Variants in KAZN observed in about 807,000 individuals in gnomAD.
The protein encoded by KAZN is kazrin.
In KAZN, 40 loss-of-function variants were observed where a neutral mutation model predicts 87.4. The ratio of observed to expected loss-of-function variants is 0.46; its 90% CI spans 0.36 to 0.60. The LOEUF is 0.60. KAZN is among the 20% of genes least tolerant of loss of function. The probability of loss-of-function intolerance (pLI) is 0.00; values close to 1 mark genes in which losing one functional copy is unlikely to be tolerated. For missense variants in KAZN, 898 were observed against 1,073.9 expected (o/e 0.84, Z 2.29); for synonymous variants, 466 against 458.3 (o/e 1.02, Z -0.22).
At chr1:14,289,414 G>T (rs529800576) in intron 2 of KAZN, among the ~76,000 whole-genome samples, 4 of 152,184 alleles carry the variant, frequency 2.6e-5, no homozygotes, top group Non-Finnish European at 4.4e-5. Context: ...CTTGTTGAAT[G>T]GATCCCTTTA....
chr1:14,807,993 G>A (rs964440014), intron 1 of KAZN, among the ~76,000 whole-genome samples: 1 of 152,146 alleles, frequency 6.6e-6, no homozygotes, highest in Non-Finnish European at 1.5e-5. Flanking sequence ...AAGGAGCAAG[G>A]AAGGACTGGC....
chr1:14,473,040 T>A (rs554503089), intron 2 of KAZN, among the ~76,000 whole-genome samples: 1 of 152,318 alleles, frequency 6.6e-6, no homozygotes, highest in African/African-American at 2.4e-5. Flanking sequence ...AATGGAATGA[T>A]CATTCCATTA....
intron 2 of KAZN, among the ~76,000 whole-genome samples, chr1:14,238,658 T>C (rs1648641682): frequency 6.6e-6 from 1 of 152,270 alleles, no homozygotes. Context: ...GATGCTTATT[T>C]GCTAAAGCAC....
At chr1:14,680,415 G>A (rs1451589687) in intron 1 of KAZN, among the ~76,000 whole-genome samples, 1 of 152,120 alleles carries the variant, frequency 6.6e-6, no homozygotes, top group Non-Finnish European at 1.5e-5. Context: ...CCTAGAGTAT[G>A]TGTACTTTTA....
chr1:13,991,192 G>A (rs1639269272), intron 1 of KAZN, among the ~76,000 whole-genome samples: 1 of 151,942 alleles, frequency 6.6e-6, no homozygotes, highest in South Asian at 2.1e-4. Context: ...TGGCTTCCAT[G>A]GTGTAAATAC....
intron 1 of KAZN, among the ~76,000 whole-genome samples, chr1:14,645,744 C>A (rs1026962330): frequency 7.2e-5 from 11 of 152,190 alleles, no homozygotes; most frequent in Non-Finnish European, 1.5e-4. Flanking sequence ...TTATTTCTTT[C>A]TCTTGCCCGA....
chr1:14,354,529 C>T lies in KAZN; in HGVS notation c.249+173937C>T, dbSNP rs537630199. ...TGACTAGCAGACAGTTCATAAAAGA[C>T]GTATAAATGATAAAGAAGAACATAA... On this transcript the variant is annotated intron_variant, in intron 2 of 16. Transcript: ENST00000636203. 9.9e-5 allele frequency among the ~76,000 whole-genome samples: 15 copies of T among 152,132 alleles called. No homozygotes were observed. The East Asian group carries it at 1.2e-3, about 12-fold the overall frequency.
intron 1 of KAZN, among the ~76,000 whole-genome samples, chr1:14,934,700 A>G (rs925742379): frequency 2.6e-5 from 4 of 152,246 alleles, no homozygotes; most frequent in African/African-American, 4.8e-5. Flanking sequence ...CACTGGAGGC[A>G]TCAGGCAGGG....
At chr1:14,573,021 G>GA (rs1364505187) in intron 2 of KAZN, among the ~76,000 whole-genome samples, 1 of 152,160 alleles carries the variant, frequency 6.6e-6, no homozygotes, top group Non-Finnish European at 1.5e-5. Context: ...TAACAGACCA[G>GA]AAAAATGTAA....
At chr1:15,047,758 G>A (rs1420895208) in intron 4 of KAZN, among the ~76,000 whole-genome samples, 8 of 151,960 alleles carry the variant, frequency 5.3e-5, no homozygotes, top group African/African-American at 1.9e-4. Flanking sequence ...GCAACAGAGC[G>A]AAACCCCATC....
chr1:14,449,720 G>A (rs1667165420), intron 2 of KAZN, among the ~76,000 whole-genome samples: 1 of 152,090 alleles, frequency 6.6e-6, no homozygotes, highest in African/African-American at 2.4e-5. Context: ...GAATTTTATG[G>A]TCTTCAATCA....
chr1:14,114,358 G>T (rs6698398), intron 1 of KAZN, among the ~76,000 whole-genome samples: 22,817 of 152,046 alleles, frequency 0.15, 2,334 homozygotes, highest in East Asian at 0.55. Context: ...TAACCCTGGG[G>T]ATCCCTGGGG....
intron 1 of KAZN, among the ~76,000 whole-genome samples, chr1:14,848,579 G>A (rs556961570): frequency 6.6e-6 from 1 of 152,324 alleles, no homozygotes; most frequent in Non-Finnish European, 1.5e-5. Context: ...GGTGCAAGGA[G>A]CCTTTGTTTT....
At chr1:14,665,452 T>C (rs1165279909) in intron 1 of KAZN, among the ~76,000 whole-genome samples, 1 of 152,106 alleles carries the variant, frequency 6.6e-6, no homozygotes, top group African/African-American at 2.4e-5. Context: ...TCAGTCCCCG[T>C]CAAAATCAAT....
At chr1:14,037,570 G>C (rs111859014) in intron 1 of KAZN, among the ~76,000 whole-genome samples, 4 of 152,194 alleles carry the variant, frequency 2.6e-5, no homozygotes, top group African/African-American at 9.7e-5. Context: ...AGCAGCTATC[G>C]TGTGGCTTGC....
chr1:14,498,650 C>A (rs1192831882), intron 2 of KAZN, among the ~76,000 whole-genome samples: 2 of 151,944 alleles, frequency 1.3e-5, no homozygotes, highest in Non-Finnish European at 2.9e-5. Flanking sequence ...TGAGATCAGG[C>A]CACTGCACTC....
At chr1:14,507,874 G>A (rs1352804285) in intron 2 of KAZN, among the ~76,000 whole-genome samples, 1 of 152,082 alleles carries the variant, frequency 6.6e-6, no homozygotes, top group Non-Finnish European at 1.5e-5. Context: ...GGCTGAGGTA[G>A]GAGAATGGTG....
chr1:14,344,248 A>T (rs2789741), intron 2 of KAZN, among the ~76,000 whole-genome samples: 144,736 of 149,490 alleles, frequency 0.97, 70,101 homozygotes, highest in South Asian at 0.97. Context: ...CACAGATGGC[A>T]ACTGAACCCT....
rs557257099 is a variant in KAZN, at chr1:14,407,927, A to ACT, written c.250-191055_250-191054dup. On this transcript the variant is annotated intron_variant, in intron 2 of 16. Transcript: ENST00000636203. ...TTTTTTAGACATTTCATTATTTGCT[A>ACT]CTTTATGCAGGTTCTTTATGCTACT... 2.9e-3 allele frequency among the ~76,000 whole-genome samples: 435 copies of ACT among 152,296 alleles called. 1 individual carries two copies. The highest frequency in any genetic ancestry group is 0.01 in the African/African-American group (421 of 41,566).
Sources: gnomAD v4.1 joint callset for allele counts (sites outside exome capture counted in the v4.1 genomes callset) on GRCh38, gnomAD v4.1.1 for gene constraint, MANE v1.5 for transcripts, NCBI Gene and HGNC (gene_info 2026-07-23, HGNC 2026-07-21) for gene names.